The following WDR41 variants were observed in gnomAD, a reference collection of about 807,000 sequenced individuals.
WDR41 encodes WD repeat domain 41.
A neutral mutation model predicts 69.3 loss-of-function variants in WDR41; 63 were observed. The observed-to-expected ratio is 0.91, with a 90% CI of 0.74 to 1.12. The LOEUF (loss-of-function observed/expected upper bound fraction) is 1.12, where lower values mean the gene tolerates loss of function less well. WDR41 is among the 50% of genes most tolerant of loss of function. WDR41 has a pLI of 0.00. For synonymous variants in WDR41, 185 were observed against 192.1 expected (o/e 0.96, Z 0.31); for missense variants, 543 against 534.5 (o/e 1.02, Z -0.16).
chr5:77,528,915 A>T (rs1291304609), intron 1 of WDR41, among the ~76,000 whole-genome samples: 3 of 151,674 alleles, frequency 2.0e-5, no homozygotes, highest in Non-Finnish European at 4.4e-5. Flanking sequence ...ATTTATTTAA[A>T]AACCTATAGC....
chr5:77,489,623 T>C (rs2112117524), intron 1 of WDR41, 51 bp from the exon 2 acceptor site: 1 of 1,176,942 alleles, frequency 8.5e-7, no homozygotes, highest in South Asian at 1.4e-5. Flanking sequence ...AAAAAAGAGA[T>C]AAAATGATTT....
At chr5:77,492,941 T>C (rs1581771533), upstream of WDR41, among the ~76,000 whole-genome samples, 1 of 152,202 alleles carries the variant, frequency 6.6e-6, no homozygotes. Flanking sequence ...GCTACATTGG[T>C]AGTGTTCTTG....
chr5:77,523,039 C>T (rs769231339), intron 1 of WDR41, among the ~76,000 whole-genome samples: 9 of 152,282 alleles, frequency 5.9e-5, no homozygotes, highest in Non-Finnish European at 1.0e-4. Context: ...GTTGGCCAGA[C>T]GCTGTGGCTC....
At chr5:77,580,256 G>A (rs1189433361) in intron 1 of WDR41, among the ~76,000 whole-genome samples, 3 of 152,144 alleles carry the variant, frequency 2.0e-5, no homozygotes, top group Non-Finnish European at 4.4e-5. Flanking sequence ...GTTCAGTATG[G>A]CTGGAGAGGC....
At chr5:77,590,530 A>G (rs1458979999) in intron 1 of WDR41, among the ~76,000 whole-genome samples, 3 of 152,214 alleles carry the variant, frequency 2.0e-5, no homozygotes, top group Non-Finnish European at 4.4e-5. Flanking sequence ...TTAATTGGGT[A>G]CTTTGAGTAA....
intron 1 of WDR41, among the ~76,000 whole-genome samples, chr5:77,568,290 A>G (rs1043872412): frequency 3.3e-5 from 5 of 152,134 alleles, no homozygotes; most frequent in African/African-American, 1.2e-4. Flanking sequence ...GACAAGGGCT[A>G]TTTTTGCCTG....
At chr5:77,502,926 A>C (rs1385782641) in intron 1 of WDR41, among the ~76,000 whole-genome samples, 2 of 152,218 alleles carry the variant, frequency 1.3e-5, no homozygotes, top group Non-Finnish European at 2.9e-5. Context: ...CAAATTGTAA[A>C]GACCATCAAT....
At chr5:77,507,198 A>G (rs550350417) in intron 1 of WDR41, among the ~76,000 whole-genome samples, 1 of 152,312 alleles carries the variant, frequency 6.6e-6, no homozygotes, top group South Asian at 2.1e-4. Context: ...AGTTCTGGAG[A>G]TTGGTTGCAT....
At chr5:77,505,235 A>G (rs1802087229) in intron 1 of WDR41, among the ~76,000 whole-genome samples, 1 of 151,508 alleles carries the variant, frequency 6.6e-6, no homozygotes, top group Admixed American at 6.6e-5. Context: ...CACCAATAAC[A>G]GACAAACAGA....
intron 1 of WDR41, among the ~76,000 whole-genome samples, chr5:77,596,944 C>G (rs1362296548): frequency 6.6e-6 from 1 of 151,684 alleles, no homozygotes; most frequent in African/African-American, 2.4e-5. Context: ...ATGGCGAAAC[C>G]CCATTTCTAC....
chr5:77,615,166 T>C (rs6872628), intron 1 of WDR41, among the ~76,000 whole-genome samples: 47,933 of 151,974 alleles, frequency 0.32, 8,159 homozygotes, highest in Non-Finnish European at 0.38. Flanking sequence ...TGTCACTGAA[T>C]TGTCTAAAAA....
chr5:77,437,698 AC>A (rs1420427478), intron 10 of WDR41, among the ~76,000 whole-genome samples: 1 of 152,198 alleles, frequency 6.6e-6, no homozygotes, highest in African/African-American at 2.4e-5. Flanking sequence ...ATTATACTTC[AC>A]AATGTCCTAA....
intron 1 of WDR41, among the ~76,000 whole-genome samples, chr5:77,511,622 T>C (rs1802204823): frequency 6.6e-6 from 1 of 152,132 alleles, no homozygotes; most frequent in African/African-American, 2.4e-5. Context: ...TGGAGCAATG[T>C]TTAACAATAG....
At chr5:77,482,859 GA>G (rs200988288) in intron 2 of WDR41, among the ~76,000 whole-genome samples, 2,873 of 107,012 alleles carry the variant, frequency 0.027, 33 homozygotes, top group Middle Eastern at 0.098. Context: ...ACATCTACCT[GA>G]AAAAAAAAAA....
At chr5:77,464,913 CGAA>C in intron 2 of WDR41, 104 bp from the exon 3 acceptor site, 3 of 1,147,768 alleles carry the variant, frequency 2.6e-6, no homozygotes, top group Non-Finnish European at 3.8e-6. Flanking sequence ...CTAATATTAA[CGAA>C]GATCAAGTTA....
At chr5:77,474,671 T>G (rs1351927713) in intron 2 of WDR41, among the ~76,000 whole-genome samples, 1 of 150,888 alleles carries the variant, frequency 6.6e-6, no homozygotes, top group African/African-American at 2.5e-5. Context: ...TCTAAAAGTC[T>G]AAGGTCCTTT....
intron 1 of WDR41, among the ~76,000 whole-genome samples, chr5:77,517,526 G>A (rs974455036): frequency 7.9e-5 from 12 of 151,822 alleles, no homozygotes; most frequent in African/African-American, 2.9e-4. Flanking sequence ...CACAGATCTA[G>A]TCACTGTCTA....
intron 1 of WDR41, among the ~76,000 whole-genome samples, chr5:77,610,643 C>T (rs1242554902): frequency 6.6e-6 from 1 of 152,190 alleles, no homozygotes; most frequent in Non-Finnish European, 1.5e-5. Flanking sequence ...CCTAAAAGAG[C>T]TCCTGAAGGA....
At chr5:77,533,649 G>A (rs538455287) in intron 1 of WDR41, among the ~76,000 whole-genome samples, 1 of 152,174 alleles carries the variant, frequency 6.6e-6, no homozygotes, top group South Asian at 2.1e-4. Context: ...GGATGATGAT[G>A]GTTGTGTGCT....
Sources: gnomAD v4.1 joint callset for allele counts (sites outside exome capture counted in the v4.1 genomes callset) on GRCh38, gnomAD v4.1.1 for gene constraint, MANE v1.5 for transcripts, NCBI Gene and HGNC (gene_info 2026-07-23, HGNC 2026-07-21) for gene names.